The following TTC39C variants were observed in gnomAD, a reference collection of about 807,000 sequenced individuals.
TTC39C encodes the protein tetratricopeptide repeat domain 39C, also known as tetratricopeptide repeat protein 39C.
Under a neutral mutation model 76.3 loss-of-function variants are expected in TTC39C, and 33 were observed. That is an observed-to-expected ratio of 0.43 (90% CI 0.33 to 0.58). TTC39C has a LOEUF of 0.58. Ranked by LOEUF, TTC39C falls within the 20% of genes least tolerant of loss-of-function variation. The pLI, the probability that TTC39C is intolerant of heterozygous loss-of-function variation, is 0.04. For missense variants in TTC39C, 595 were observed against 701.4 expected (o/e 0.85, Z 1.71); for synonymous variants, 254 against 260.6 (o/e 0.97, Z 0.24).
chr18:24,018,722 G>A (rs2083484979), intron 1 of TTC39C, among the ~76,000 whole-genome samples: 1 of 152,064 alleles, frequency 6.6e-6, no homozygotes, highest in Non-Finnish European at 1.5e-5. Flanking sequence ...AAGGAGAAAA[G>A]GAGAATGTGA....
chr18:24,096,177 A>T (rs2084586547), intron 6 of TTC39C, among the ~76,000 whole-genome samples: 1 of 152,248 alleles, frequency 6.6e-6, no homozygotes, highest in Admixed American at 6.5e-5. Context: ...AAGTGAGCTC[A>T]TACTGTTGGA....
At chr18:24,021,888 C>T (rs2083522082) in intron 1 of TTC39C, among the ~76,000 whole-genome samples, 1 of 152,186 alleles carries the variant, frequency 6.6e-6, no homozygotes, top group African/African-American at 2.4e-5. Flanking sequence ...TCTGTGTTCA[C>T]AGAGTTTCTG....
intron 1 of TTC39C, among the ~76,000 whole-genome samples, chr18:24,036,308 C>T (rs1251459894): frequency 6.6e-6 from 1 of 152,174 alleles, no homozygotes; most frequent in Non-Finnish European, 1.5e-5. Flanking sequence ...CTAGAGGTAA[C>T]TTGAGTAGTA....
At chr18:24,113,518 C>T (rs2084844784) in intron 6 of TTC39C, 13 of 695,706 alleles carry the variant, frequency 1.9e-5, no homozygotes, top group South Asian at 1.0e-4. Flanking sequence ...AGGAGACGCA[C>T]CTGGAAGCCC....
intron 6 of TTC39C, among the ~76,000 whole-genome samples, chr18:24,084,575 T>A (rs548931810): frequency 6.6e-6 from 1 of 152,192 alleles, no homozygotes; most frequent in East Asian, 1.9e-4. Flanking sequence ...TTGTTTTTGT[T>A]CTCATTATCT....
chr18:24,122,000 T>A (rs1259284341), intron 8 of TTC39C, among the ~76,000 whole-genome samples: 1 of 152,198 alleles, frequency 6.6e-6, no homozygotes, highest in Non-Finnish European at 1.5e-5. Context: ...GAGTTGTCCC[T>A]TCCTTTGAAT....
chr18:24,066,628 C>G (rs988326628), intron 3 of TTC39C, among the ~76,000 whole-genome samples: 1 of 152,190 alleles, frequency 6.6e-6, no homozygotes, highest in East Asian at 1.9e-4. Context: ...GGAGAGGCAC[C>G]CTCCTAGCCC....
intron 10 of TTC39C, among the ~76,000 whole-genome samples, chr18:24,127,552 C>G (rs2085066378): frequency 1.3e-5 from 2 of 152,156 alleles, no homozygotes; most frequent in African/African-American, 4.8e-5. Context: ...GGGTCATGCT[C>G]TGTCGCCCAG....
intron 1 of TTC39C, among the ~76,000 whole-genome samples, chr18:24,049,055 A>G (rs147614003): frequency 5.3e-5 from 8 of 152,348 alleles, no homozygotes; most frequent in Non-Finnish European, 1.2e-4. Flanking sequence ...AGTGGCCTTT[A>G]TAATGCCACC....
intron 4 of TTC39C, among the ~76,000 whole-genome samples, chr18:24,075,701 A>C (rs962140266): frequency 5.9e-5 from 9 of 151,500 alleles, no homozygotes; most frequent in East Asian, 3.9e-4. Context: ...AAAAAAAAAA[A>C]AACAAAAAAA....
intron 6 of TTC39C, among the ~76,000 whole-genome samples, chr18:24,110,892 T>C (rs2084800293): frequency 6.6e-6 from 1 of 152,238 alleles, no homozygotes; most frequent in South Asian, 2.1e-4. Flanking sequence ...TGACACAGTG[T>C]GTCCAGGTAT....
At chr18:23,995,283 C>G (rs1026336877) in intron 1 of TTC39C, among the ~76,000 whole-genome samples, 1 of 152,150 alleles carries the variant, frequency 6.6e-6, no homozygotes, top group Non-Finnish European at 1.5e-5. Context: ...GCCTGGCTAG[C>G]ATGTCGAAAC....
chr18:24,047,228 G>A (rs1315792663), intron 1 of TTC39C, among the ~76,000 whole-genome samples: 1 of 151,358 alleles, frequency 6.6e-6, no homozygotes, highest in Non-Finnish European at 1.5e-5. Context: ...CAAGTAGCTG[G>A]GATTATAGGT....
chr18:24,090,616 C>A (rs2084504527), intron 6 of TTC39C, among the ~76,000 whole-genome samples: 1 of 151,212 alleles, frequency 6.6e-6, no homozygotes, highest in Non-Finnish European at 1.5e-5. Context: ...AACTCAAGGG[C>A]CCCAAAATAG....
intron 6 of TTC39C, among the ~76,000 whole-genome samples, chr18:24,093,415 G>C (rs891122607): frequency 2.7e-5 from 4 of 150,700 alleles, no homozygotes; most frequent in African/African-American, 9.8e-5. Flanking sequence ...GGAGGCAGAG[G>C]TTGCAGTGAG....
At chr18:24,034,560 C>G (rs1053516347) in intron 1 of TTC39C, among the ~76,000 whole-genome samples, 3 of 152,152 alleles carry the variant, frequency 2.0e-5, no homozygotes, top group Admixed American at 6.5e-5. Context: ...GCATTAAGTA[C>G]AGCCATCACC....
intron 1 of TTC39C, among the ~76,000 whole-genome samples, chr18:23,995,403 G>A (rs2083253424): frequency 6.6e-6 from 1 of 152,032 alleles, no homozygotes; most frequent in African/African-American, 2.4e-5. Context: ...CCAGGAGGTG[G>A]AGGTTGCAGT....
chr18:24,117,957 A>T (rs1313689971), intron 7 of TTC39C, among the ~76,000 whole-genome samples, 168 bp from the exon 8 acceptor site: 1 of 152,176 alleles, frequency 6.6e-6, no homozygotes, highest in African/African-American at 2.4e-5. Context: ...CTTTACATTG[A>T]AAGTATTTAA....
intron 8 of TTC39C, 21 bp downstream of exon 8, chr18:24,118,253 C>T (rs1425557496): frequency 2.5e-6 from 4 of 1,584,884 alleles, no homozygotes; most frequent in Non-Finnish European, 3.5e-6. Flanking sequence ...CATGGTCCCT[C>T]AGTGTGCCTC....
Sources: gnomAD v4.1 joint callset for allele counts (sites outside exome capture counted in the v4.1 genomes callset) on GRCh38, gnomAD v4.1.1 for gene constraint, MANE v1.5 for transcripts, NCBI Gene and HGNC (gene_info 2026-07-23, HGNC 2026-07-21) for gene names.